CPNE4: variants seen among roughly 807,000 people sequenced by gnomAD.
CPNE4 encodes the protein copine-4.
Under a neutral mutation model 67.9 loss-of-function variants are expected in CPNE4, and 25 were observed. The observed-to-expected ratio is 0.37, with a 90% CI of 0.27 to 0.51. The LOEUF (loss-of-function observed/expected upper bound fraction) is 0.51, where lower values mean the gene tolerates loss of function less well. CPNE4 is among the 20% of genes least tolerant of loss of function. The pLI, the probability that CPNE4 is intolerant of heterozygous loss-of-function variation, is 0.93. For missense variants in CPNE4, 464 were observed against 690.8 expected, an observed-to-expected ratio of 0.67 and a Z score of 3.68; for synonymous variants, 242 against 244.9, an observed-to-expected ratio of 0.99 and a Z score of 0.11.
intron 1 of CPNE4, among the ~76,000 whole-genome samples, chr3:132,033,375 C>CTGTGAGAG (rs1339224000): frequency 6.8e-6 from 1 of 146,948 alleles, no homozygotes; most frequent in African/African-American, 2.5e-5. Flanking sequence ...CACTGAAATC[C>CTGTGAGAG]TGTGAGAGTG....
At chr3:131,949,427 GATTCCAATTAAA>G (rs2071653663) in intron 1 of CPNE4, among the ~76,000 whole-genome samples, 1 of 152,120 alleles carries the variant, frequency 6.6e-6, no homozygotes, top group East Asian at 1.9e-4. Flanking sequence ...CTGTTTCCAA[GATTCCAATTAAA>G]ATACTCAGTG....
intron 3 of CPNE4, among the ~76,000 whole-genome samples, chr3:131,720,357 T>C (rs555846956): frequency 7.4e-5 from 11 of 148,620 alleles, no homozygotes; most frequent in Admixed American, 6.8e-4. Flanking sequence ...TGATCTCGGC[T>C]CAATGCAACC....
At chr3:131,828,849 C>CA (rs2085265675) in intron 2 of CPNE4, among the ~76,000 whole-genome samples, 1 of 152,032 alleles carries the variant, frequency 6.6e-6, no homozygotes, top group Non-Finnish European at 1.5e-5. Flanking sequence ...CAAAACAAAA[C>CA]AAAAAAACAA....
rs114214502 is a variant in CPNE4, at chr3:131,881,972, C to T, written c.180+23292G>A. Among the ~76,000 whole-genome samples the T allele has an allele frequency of 3.5e-3, 532 of 152,258 alleles. 3 individuals are homozygous for T. The highest frequency in any genetic ancestry group is 0.013 in the African/African-American group (520 of 41,550). On this transcript the variant is annotated intron_variant, in intron 2 of 15. Transcript: ENST00000429747. ...AATATTTTTCTTCCTACTAAGAATA[C>T]CAGAGTGCTTTTTCTTCTCAAGTTC...
In CPNE4 at chr3:132,014,019, A is replaced by G. The variant is rs150546442; in HGVS notation, c.-2+20548T>C. Among the ~76,000 whole-genome samples, 8 of 152,282 alleles carry G rather than the reference A, an allele frequency of 5.3e-5. No homozygotes were observed. The East Asian group carries it at 1.5e-3, about 29-fold the overall frequency. On this transcript the variant is annotated intron_variant, in intron 1 of 15. Coordinates refer to ENST00000429747, the MANE Select transcript of CPNE4 (RefSeq NM_130808.3). ...AAAAAACAAACAAAGTCTGAGTTGA[A>G]GCTCAGCCAAATTGTGCATAATTAT...
intron 6 of CPNE4, among the ~76,000 whole-genome samples, chr3:131,670,181 G>T (rs1206095471): frequency 6.6e-5 from 10 of 152,164 alleles, no homozygotes; most frequent in Non-Finnish European, 4.4e-5. Flanking sequence ...TTAGTAGGGT[G>T]AAGGGTATAG....
intron 7 of CPNE4, among the ~76,000 whole-genome samples, chr3:131,668,633 C>G (rs1012077528): frequency 1.5e-4 from 23 of 152,024 alleles, no homozygotes; most frequent in Admixed American, 3.9e-4. Flanking sequence ...ATCAATTGGC[C>G]TTTTAGTTTA....
chr3:131,599,329 G>T (rs1161916879), intron 7 of CPNE4, among the ~76,000 whole-genome samples: 1 of 152,180 alleles, frequency 6.6e-6, no homozygotes, highest in Non-Finnish European at 1.5e-5. Flanking sequence ...GAGGGGTCAA[G>T]TTCCCTTGAT....
At chr3:131,861,692 C>G (rs1303032317) in intron 2 of CPNE4, among the ~76,000 whole-genome samples, 1 of 152,256 alleles carries the variant, frequency 6.6e-6, no homozygotes, top group Non-Finnish European at 1.5e-5. Flanking sequence ...CTCGGCCTCA[C>G]AAAGTGCTGG....
At chr3:131,765,126 C>T (rs917616452) in intron 2 of CPNE4, among the ~76,000 whole-genome samples, 2 of 152,008 alleles carry the variant, frequency 1.3e-5, no homozygotes, top group Non-Finnish European at 2.9e-5. Context: ...ATAAAAGAAT[C>T]GTGACATTAG....
chr3:131,938,885 A>T (rs2071303261), intron 1 of CPNE4, among the ~76,000 whole-genome samples: 1 of 152,148 alleles, frequency 6.6e-6, no homozygotes, highest in African/African-American at 2.4e-5. Flanking sequence ...TAAGACATTG[A>T]TGCTTACCAT....
At chr3:131,655,605 T>C (rs57857740) in intron 7 of CPNE4, among the ~76,000 whole-genome samples, 9,797 of 152,098 alleles carry the variant, frequency 0.064, 1,019 homozygotes, top group African/African-American at 0.22. Flanking sequence ...GTGGTCAACA[T>C]AATGTTGAAG....
chr3:132,022,091 G>A (rs2074010824), intron 1 of CPNE4, among the ~76,000 whole-genome samples: 1 of 152,194 alleles, frequency 6.6e-6, no homozygotes, highest in African/African-American at 2.4e-5. Context: ...TCTATTTCCA[G>A]GCTGCTTAGC....
intron 2 of CPNE4, among the ~76,000 whole-genome samples, chr3:131,900,017 T>C (rs904493220): frequency 6.6e-5 from 10 of 152,028 alleles, no homozygotes; most frequent in Non-Finnish European, 7.4e-5. Context: ...ACAGGGATGC[T>C]AGGTCATATG....
At chr3:131,944,677 T>C (rs1583490136) in intron 1 of CPNE4, among the ~76,000 whole-genome samples, 1 of 144,184 alleles carries the variant, frequency 6.9e-6, no homozygotes, top group Non-Finnish European at 1.6e-5. Context: ...TGGGTTTGTG[T>C]AGTGGAAGTG....
intron 7 of CPNE4, among the ~76,000 whole-genome samples, chr3:131,614,747 G>A (rs914355095): frequency 6.6e-6 from 1 of 152,172 alleles, no homozygotes; most frequent in African/African-American, 2.4e-5. Context: ...AATGTATATG[G>A]CATTCATCCT....
At chr3:131,852,701 G>A (rs1429686647) in intron 2 of CPNE4, among the ~76,000 whole-genome samples, 1 of 151,758 alleles carries the variant, frequency 6.6e-6, no homozygotes, top group Non-Finnish European at 1.5e-5. Flanking sequence ...CAGGAGTGAT[G>A]TGTCATTACT....
chr3:131,674,856 G>A (rs1274669803), intron 6 of CPNE4, among the ~76,000 whole-genome samples: 1 of 150,516 alleles, frequency 6.6e-6, no homozygotes, highest in African/African-American at 2.4e-5. Flanking sequence ...TACTAATTTT[G>A]GAGTTTTTTG....
At chr3:131,707,427 G>A (rs1295137226) in intron 3 of CPNE4, among the ~76,000 whole-genome samples, 1 of 152,132 alleles carries the variant, frequency 6.6e-6, no homozygotes, top group Non-Finnish European at 1.5e-5. Flanking sequence ...TTCTCGTCTT[G>A]AGATCCTTTA....
Sources: allele counts gnomAD v4.1 joint callset (sites outside exome capture counted in the v4.1 genomes callset), GRCh38; gene constraint gnomAD v4.1.1; transcripts MANE v1.5; gene names NCBI Gene and HGNC (gene_info 2026-07-23, HGNC 2026-07-21).